PTPN13: variants seen among roughly 807,000 people sequenced by gnomAD.
PTPN13 encodes tyrosine-protein phosphatase non-receptor type 13.
PTPN13 carries 191 observed loss-of-function variants against 284.0 expected under a neutral mutation model. That is an observed-to-expected ratio of 0.67 (90% CI 0.60 to 0.76). The LOEUF is 0.76. Among genes scored for constraint, PTPN13 ranks in the 30% least tolerant of loss-of-function variants. The pLI is 0.00. For synonymous variants in PTPN13, 986 were observed against 1,022.3 expected, an observed-to-expected ratio of 0.96 and a Z score of 0.68; for missense variants, 2,797 against 2,939.9, an observed-to-expected ratio of 0.95 and a Z score of 1.12.
At chr4:86,667,229 A>G (rs1727189399) in intron 2 of PTPN13, among the ~76,000 whole-genome samples, 1 of 152,224 alleles carries the variant, frequency 6.6e-6, no homozygotes, top group Non-Finnish European at 1.5e-5. Flanking sequence ...AGTTCATAGG[A>G]GTTTAGTAAA....
intron 21 of PTPN13, 66 bp from the exon 22 acceptor site, chr4:86,758,612 G>T (rs1195297087): frequency 3.0e-6 from 4 of 1,329,034 alleles, no homozygotes; most frequent in Non-Finnish European, 4.3e-6. Flanking sequence ...TGTGTTTCAG[G>T]CAGGCTAATC....
intron 3 of PTPN13, among the ~76,000 whole-genome samples, chr4:86,681,244 A>G (rs993584323): frequency 7.9e-5 from 12 of 152,074 alleles, no homozygotes; most frequent in Admixed American, 5.2e-4. Flanking sequence ...TTTTTAATAC[A>G]TAGGTGCATA....
rs535420670 is a variant in PTPN13 at position 86,668,229 on chromosome 4, C to T, written c.116-4136C>T. On this transcript the variant is annotated intron_variant, in intron 2 of 47. Coordinates refer to ENST00000411767, the MANE Select transcript of PTPN13 (RefSeq NM_080683.3). ...CAACACACAATTAAAACACAGTACACGGAATTATAAGCTTCTAGAATCTCA... is the reference window on the plus strand; with the variant it reads ...CAACACACAATTAAAACACAGTACATGGAATTATAAGCTTCTAGAATCTCA... 6.6e-4 allele frequency among the ~76,000 whole-genome samples: 101 copies of T among 152,200 alleles called. 1 individual carries two copies. The highest frequency in any genetic ancestry group is 3.4e-3 in the Middle Eastern group (1 of 294).
chr4:86,803,726 A>T lies in PTPN13; in HGVS notation c.6523A>T (p.Asn2175Tyr). The change falls in exon 43 of 48, where the codon AAC becomes TAC. Residue 2175 changes from asparagine to tyrosine, a missense_variant. By Grantham distance (143) the Asn-to-Tyr change is moderately radical. Coordinates refer to ENST00000411767, the MANE Select transcript of PTPN13 (RefSeq NM_080683.3). ...CCTATTAGATCATTCCTTTCTGACAAACGATGAGCTCGCTGTACTCCCTGT... is the reference window on the plus strand; with the variant it reads ...CCTATTAGATCATTCCTTTCTGACATACGATGAGCTCGCTGTACTCCCTGT... Reference protein sequence around the residue: ...DSDKDHSFLTNDELAVLPVVK... With the variant: ...DSDKDHSFLTYDELAVLPVVK... 6.2e-7 allele frequency: 1 copy of T among 1,613,628 alleles called. No individual in the cohort carries two copies. Among genetic ancestry groups the T allele is most frequent in the Non-Finnish European group, 8.5e-7 (1 of 1,179,660 alleles).
intron 3 of PTPN13, among the ~76,000 whole-genome samples, chr4:86,684,756 A>C (rs1196820401): frequency 6.6e-6 from 1 of 152,218 alleles, no homozygotes; most frequent in Non-Finnish European, 1.5e-5. Context: ...CAAGAAAATA[A>C]GATGAAGCTG....
intron 14 of PTPN13, 104 bp from the exon 15 acceptor site, chr4:86,735,490 A>C (rs1287484427): frequency 8.5e-7 from 1 of 1,178,036 alleles, no homozygotes; most frequent in Middle Eastern, 2.1e-4. Flanking sequence ...GTAGAAATAG[A>C]AGTACTTCAT....
At chr4:86,716,234 C>T (rs1225070825) in intron 7 of PTPN13, among the ~76,000 whole-genome samples, 1 of 152,114 alleles carries the variant, frequency 6.6e-6, no homozygotes, top group Non-Finnish European at 1.5e-5. Context: ...TATTATACCC[C>T]CTCTTTGGCT....
At chr4:86,797,066 T>A (rs1743421650) in intron 41 of PTPN13, 137 bp downstream of exon 41, 1 of 681,818 alleles carries the variant, frequency 1.5e-6, no homozygotes, top group South Asian at 2.5e-5. Flanking sequence ...TAAGAATTTT[T>A]AAAATTTTCG....
At chr4:86,708,361 G>A (rs992616111) in intron 7 of PTPN13, among the ~76,000 whole-genome samples, 1 of 151,636 alleles carries the variant, frequency 6.6e-6, no homozygotes, top group African/African-American at 2.4e-5. Context: ...AACTGAGAAT[G>A]TATATTTACT....
intron 6 of PTPN13, among the ~76,000 whole-genome samples, chr4:86,699,761 T>A (rs1276445148): frequency 3.3e-5 from 5 of 152,230 alleles, no homozygotes; most frequent in Non-Finnish European, 7.3e-5. Flanking sequence ...ATTCTTTTTT[T>A]AAATCTATTG....
At chr4:86,771,104 A>G (rs1739945579) in intron 30 of PTPN13, 67 bp from the exon 31 acceptor site, 3 of 1,463,222 alleles carry the variant, frequency 2.1e-6, no homozygotes, top group Non-Finnish European at 1.8e-6. Flanking sequence ...TCAATGGTTT[A>G]TTTTCAAATA....
chr4:86,626,677 G>A (rs1205285088), intron 1 of PTPN13, among the ~76,000 whole-genome samples: 1 of 152,000 alleles, frequency 6.6e-6, no homozygotes, highest in Non-Finnish European at 1.5e-5. Context: ...AAATGGTGCA[G>A]CTACTATGAA....
intron 1 of PTPN13, among the ~76,000 whole-genome samples, chr4:86,595,362 A>G (rs1322197761): frequency 1.3e-5 from 2 of 151,864 alleles, no homozygotes; most frequent in South Asian, 2.1e-4. Flanking sequence ...GCTAAAGTTA[A>G]CACTCTACCC....
At chr4:86,753,278 G>A (rs1240103320) in intron 20 of PTPN13, among the ~76,000 whole-genome samples, 2 of 152,042 alleles carry the variant, frequency 1.3e-5, no homozygotes, top group Non-Finnish European at 2.9e-5. Context: ...TAGAGATAAG[G>A]ACACTAATTG....
At chr4:86,715,742 T>G (rs1732943733) in intron 7 of PTPN13, among the ~76,000 whole-genome samples, 1 of 152,204 alleles carries the variant, frequency 6.6e-6, no homozygotes, top group Non-Finnish European at 1.5e-5. Flanking sequence ...GGAAGTTAAC[T>G]TTCTATAATG....
intron 1 of PTPN13, among the ~76,000 whole-genome samples, chr4:86,628,780 A>C (rs1185042641): frequency 1.4e-5 from 2 of 145,920 alleles, no homozygotes; most frequent in African/African-American, 2.6e-5. Context: ...GCGATAGTTT[A>C]CTGAGAATGA....
At chr4:86,764,510 T>A (rs1739056523) in intron 24 of PTPN13, 83 bp from the exon 25 acceptor site, 14 of 1,077,182 alleles carry the variant, frequency 1.3e-5, no homozygotes, top group South Asian at 4.3e-5. Flanking sequence ...GGGCTAGGTT[T>A]AAAAAAAAAG....
chr4:86,622,122 G>A (rs1183668095), intron 1 of PTPN13, among the ~76,000 whole-genome samples: 1 of 152,080 alleles, frequency 6.6e-6, no homozygotes, highest in Non-Finnish European at 1.5e-5. Flanking sequence ...TCTTCCTTCT[G>A]AATTGCACAC....
At chr4:86,782,115 G>A in intron 36 of PTPN13, 86 bp from the exon 37 acceptor site, 1 of 928,656 alleles carries the variant, frequency 1.1e-6, no homozygotes, top group Non-Finnish European at 1.7e-6. Flanking sequence ...CAACATCCCA[G>A]AAATGTGAGT....
Sources: allele counts gnomAD v4.1 joint callset (sites outside exome capture counted in the v4.1 genomes callset), GRCh38; gene constraint gnomAD v4.1.1; transcripts MANE v1.5; gene names NCBI Gene and HGNC (gene_info 2026-07-23, HGNC 2026-07-21).